Variants in RBFOX1 observed in about 807,000 individuals in gnomAD.
RBFOX1 encodes the protein RNA binding fox-1 homolog 1.
A neutral mutation model predicts 57.7 loss-of-function variants in RBFOX1; 8 were observed. That is an observed-to-expected ratio of 0.14 (90% confidence interval 0.08 to 0.25). The LOEUF (loss-of-function observed/expected upper bound fraction) is 0.25, where lower values mean the gene tolerates loss of function less well. Among genes scored for constraint, RBFOX1 ranks in the 10% least tolerant of loss-of-function variants. The pLI, the probability that RBFOX1 is intolerant of heterozygous loss-of-function variation, is 1.00. For missense variants in RBFOX1, 611 were observed against 548.5 expected (o/e 1.11, Z -1.14); for synonymous variants, 326 against 222.4 (o/e 1.47, Z -4.15).
At chr16:6,995,331 T>TGTGTGTGTGTGTGTGTG (rs1596394200) in intron 3 of RBFOX1, among the ~76,000 whole-genome samples, 1 of 148,532 alleles carries the variant, frequency 6.7e-6, no homozygotes, top group Non-Finnish European at 1.5e-5. Flanking sequence ...TGTGTGTGTG[T>TGTGTGTGTGTGTGTGTG]TAGAAGTGGT....
intron 11 of RBFOX1, among the ~76,000 whole-genome samples, chr16:7,644,791 G>C (rs1322532822): frequency 6.6e-6 from 1 of 152,206 alleles, no homozygotes; most frequent in Non-Finnish European, 1.5e-5. Flanking sequence ...GAAAACAACA[G>C]GGTAATATGA....
intron 4 of RBFOX1, among the ~76,000 whole-genome samples, chr16:7,181,548 C>A (rs1446776017): frequency 1.3e-5 from 2 of 149,828 alleles, no homozygotes; most frequent in Non-Finnish European, 3.0e-5. Flanking sequence ...CTCTCTCTTT[C>A]TCTCATCTCT....
At chr16:6,974,413 C>T (rs542026371) in intron 3 of RBFOX1, among the ~76,000 whole-genome samples, 1 of 125,204 alleles carries the variant, frequency 8.0e-6, no homozygotes, top group East Asian at 2.7e-4. Context: ...GGTACAATCT[C>T]AGTTCACTGC....
rs541447784 is a variant in RBFOX1 at position 6,132,942 on chromosome 16, G to A, written c.-127+112950G>A. Reference sequence around the variant, plus strand: ...ATCATGCCACTGCACTCCATCCTGGGCAACAGAACGAGACTCTGTCTCAAA... The same window carrying A: ...ATCATGCCACTGCACTCCATCCTGGACAACAGAACGAGACTCTGTCTCAAA... On this transcript the variant is annotated intron_variant, in intron 1 of 15. Coordinates refer to ENST00000550418, the MANE Select transcript of RBFOX1 (RefSeq NM_018723.4). Among the ~76,000 whole-genome samples the A allele has an allele frequency of 2.9e-3, 420 of 146,634 alleles. 1 individual carries two copies. Among genetic ancestry groups the A allele is most frequent in the African/African-American group, 0.011 (409 of 38,874 alleles).
intron 2 of RBFOX1, among the ~76,000 whole-genome samples, chr16:6,501,475 A>T (rs932059049): frequency 1.4e-4 from 21 of 151,966 alleles, no homozygotes; most frequent in African/African-American, 4.8e-4. Context: ...TGAACTCACC[A>T]TTTTTATGGC....
intron 3 of RBFOX1, among the ~76,000 whole-genome samples, chr16:6,954,032 A>G (rs2081285859): frequency 6.6e-6 from 1 of 152,184 alleles, no homozygotes; most frequent in Non-Finnish European, 1.5e-5. Flanking sequence ...CCAGGCGCAT[A>G]TACCCCTAAT....
chr16:6,867,211 A>G (rs2060092928), intron 3 of RBFOX1, among the ~76,000 whole-genome samples: 1 of 152,060 alleles, frequency 6.6e-6, no homozygotes, highest in Non-Finnish European at 1.5e-5. Context: ...AAGCTATATA[A>G]GTCTTTCTGT....
intron 4 of RBFOX1, among the ~76,000 whole-genome samples, chr16:7,355,527 C>A (rs943556283): frequency 2.6e-5 from 4 of 152,144 alleles, no homozygotes; most frequent in Non-Finnish European, 5.9e-5. Flanking sequence ...GGACACCATG[C>A]ACGTGTGTTA....
chr16:6,698,343 A>G (rs1178519051), intron 3 of RBFOX1, among the ~76,000 whole-genome samples: 16 of 152,194 alleles, frequency 1.1e-4, no homozygotes, highest in Admixed American at 9.8e-4. Flanking sequence ...GAAAGTCTGC[A>G]TTGATCTTCA....
At chr16:6,621,875 C>G (rs746174556) in intron 2 of RBFOX1, among the ~76,000 whole-genome samples, 1 of 152,024 alleles carries the variant, frequency 6.6e-6, no homozygotes, top group Non-Finnish European at 1.5e-5. Context: ...GGTTTGTGCT[C>G]AGTGTGTTAA....
intron 4 of RBFOX1, among the ~76,000 whole-genome samples, chr16:7,406,863 C>A (rs955064912): frequency 1.3e-5 from 2 of 152,140 alleles, no homozygotes; most frequent in African/African-American, 2.4e-5. Context: ...CTTGCATTTT[C>A]TAGTTTCTAG....
At chr16:7,205,370 T>C (rs987677755) in intron 4 of RBFOX1, among the ~76,000 whole-genome samples, 12 of 151,754 alleles carry the variant, frequency 7.9e-5, no homozygotes, top group Non-Finnish European at 1.3e-4. Flanking sequence ...ATACAAAAAT[T>C]AGCTGGGTGT....
intron 2 of RBFOX1, among the ~76,000 whole-genome samples, chr16:6,651,151 C>A (rs1450268290): frequency 6.6e-6 from 1 of 152,196 alleles, no homozygotes; most frequent in Non-Finnish European, 1.5e-5. Context: ...ATCCACCCGC[C>A]TCAGTCTCCC....
chr16:7,274,041 A>G (rs906631120), intron 4 of RBFOX1, among the ~76,000 whole-genome samples: 2 of 152,228 alleles, frequency 1.3e-5, no homozygotes, highest in African/African-American at 2.4e-5. Flanking sequence ...TAGATATTTG[A>G]AATGACACAA....
At chr16:6,858,739 G>A (rs1400027594) in intron 3 of RBFOX1, among the ~76,000 whole-genome samples, 3 of 152,066 alleles carry the variant, frequency 2.0e-5, no homozygotes, top group African/African-American at 4.8e-5. Context: ...ATGGAACAGT[G>A]TATACCAAAA....
intron 4 of RBFOX1, among the ~76,000 whole-genome samples, chr16:5,911,545 T>C (rs960715516): frequency 1.3e-5 from 2 of 152,194 alleles, no homozygotes; most frequent in Non-Finnish European, 1.5e-5. Flanking sequence ...CTTCAACGCC[T>C]TGTTCGTGCA....
chr16:7,374,459 A>C (rs2097646732), intron 4 of RBFOX1, among the ~76,000 whole-genome samples: 1 of 152,124 alleles, frequency 6.6e-6, no homozygotes, highest in Admixed American at 6.6e-5. Context: ...CTTGAGTTCC[A>C]AGATATGGTG....
intron 4 of RBFOX1, among the ~76,000 whole-genome samples, chr16:7,214,357 T>G (rs2091669988): frequency 6.6e-6 from 1 of 152,192 alleles, no homozygotes; most frequent in African/African-American, 2.4e-5. Context: ...CTTTAGCAGA[T>G]GGCATGATCG....
At chr16:5,956,510 G>A (rs1432113179) in intron 4 of RBFOX1, among the ~76,000 whole-genome samples, 1 of 151,530 alleles carries the variant, frequency 6.6e-6, no homozygotes, top group Non-Finnish European at 1.5e-5. Context: ...TGTTAAAAAT[G>A]CAAATCACTG....
Sources: gnomAD v4.1 joint callset for allele counts (sites outside exome capture counted in the v4.1 genomes callset) on GRCh38, gnomAD v4.1.1 for gene constraint, MANE v1.5 for transcripts, NCBI Gene and HGNC (gene_info 2026-07-23, HGNC 2026-07-21) for gene names.